Variants in TDRD12 observed in about 807,000 individuals in gnomAD.
TDRD12 encodes the protein tudor domain containing 12.
Under a neutral mutation model 133.5 loss-of-function variants are expected in TDRD12, and 158 were observed. That is an observed-to-expected ratio of 1.18 (90% CI 1.04 to 1.35). TDRD12 has a LOEUF of 1.35. TDRD12 is among the 40% of genes most tolerant of loss of function. TDRD12 has a pLI of 0.00. For missense variants in TDRD12, 1,443 were observed against 1,321.3 expected (o/e 1.09, Z -1.43); for synonymous variants, 460 against 477.9 (o/e 0.96, Z 0.49).
At position 32,719,996 on chromosome 19, in the gene TDRD12, G is replaced by A. The variant is rs567459981; in HGVS notation, c.-77G>A. The A allele has an allele frequency of 2.0e-3, 3,017 of 1,515,912 alleles. 60 individuals carry two copies. The African/African-American group carries it at 0.037, about 19-fold the overall frequency. 93.9% of individuals were successfully genotyped at this position (1,515,912 alleles called of 1,614,324 possible). A position where few individuals can be genotyped will look rare whatever the true frequency, so the allele number is the denominator to read the frequency against. ...CTCGCGGCGGGGGCCTGGCCGGGGC[G>A]GACGCAGCCAGCCTCACCCGCGACG... On this transcript the variant is annotated 5_prime_UTR_variant, in exon 1 of 28. Transcript: ENST00000444215.
intron 11 of TDRD12, among the ~76,000 whole-genome samples, chr19:32,784,673 G>T (rs1970857116): frequency 6.6e-6 from 1 of 152,084 alleles, no homozygotes; most frequent in South Asian, 2.1e-4. Context: ...ACCTGTTACT[G>T]GTCTATTCAG....
chr19:32,764,680 G>A (rs1324280857), intron 8 of TDRD12, among the ~76,000 whole-genome samples: 1 of 152,094 alleles, frequency 6.6e-6, no homozygotes, highest in African/African-American at 2.4e-5. Context: ...TAACTGTTCT[G>A]GCAATTATTG....
intron 11 of TDRD12, among the ~76,000 whole-genome samples, chr19:32,787,030 T>C (rs958400743): frequency 6.6e-6 from 1 of 152,216 alleles, no homozygotes; most frequent in African/African-American, 2.4e-5. Flanking sequence ...ATTTTCAGCC[T>C]TTTTGCTCTG....
chr19:32,818,397 C>T (rs993837755), intron 27 of TDRD12, among the ~76,000 whole-genome samples: 16 of 152,138 alleles, frequency 1.1e-4, no homozygotes, highest in African/African-American at 3.9e-4. Context: ...TCTTGCTCCA[C>T]AGAGGCAGGA....
At chr19:32,797,611 A>G in intron 14 of TDRD12, 124 bp from the exon 15 acceptor site, 1 of 535,232 alleles carries the variant, frequency 1.9e-6, no homozygotes, top group Non-Finnish European at 3.3e-6. Flanking sequence ...TCTGACCTGT[A>G]TGATGATTAT....
chr19:32,729,794 TTTTTTTTTTTTTG>T (rs1968988202), intron 1 of TDRD12, among the ~76,000 whole-genome samples: 3 of 125,800 alleles, frequency 2.4e-5, no homozygotes, highest in African/African-American at 9.8e-5. Context: ...TTTTTTTTTT[TTTTTTTTTTTTTG>T]TGAGATGGAG....
At chr19:32,729,051 G>A (rs1017186384) in intron 1 of TDRD12, among the ~76,000 whole-genome samples, 7 of 149,558 alleles carry the variant, frequency 4.7e-5, no homozygotes, top group African/African-American at 1.7e-4. Context: ...TACATATAGA[G>A]TTTCCATTTC....
chr19:32,726,618 A>G (rs957148158), intron 1 of TDRD12, among the ~76,000 whole-genome samples: 1 of 152,002 alleles, frequency 6.6e-6, no homozygotes, highest in African/African-American at 2.4e-5. Flanking sequence ...CAGTGCAGTG[A>G]TGTGAACGTG....
At chr19:32,738,518 A>C (rs1038764920) in intron 2 of TDRD12, among the ~76,000 whole-genome samples, 3 of 152,158 alleles carry the variant, frequency 2.0e-5, no homozygotes, top group Admixed American at 1.3e-4. Flanking sequence ...CACTGACCTT[A>C]AAAAACCTTT....
At chr19:32,737,441 G>A (rs1969258404) in intron 2 of TDRD12, among the ~76,000 whole-genome samples, 2 of 152,152 alleles carry the variant, frequency 1.3e-5, no homozygotes, top group African/African-American at 4.8e-5. Flanking sequence ...CTGAGCTCAG[G>A]TGATCCACTC....
At chr19:32,738,742 G>A in intron 2 of TDRD12, 114 bp from the exon 3 acceptor site, 5 of 1,129,790 alleles carry the variant, frequency 4.4e-6, no homozygotes, top group Non-Finnish European at 6.2e-6. Context: ...GAACCTGGGA[G>A]GTGGAGATTG....
intron 21 of TDRD12, among the ~76,000 whole-genome samples, chr19:32,803,794 C>T (rs1188385323): frequency 6.6e-6 from 1 of 152,120 alleles, no homozygotes; most frequent in Non-Finnish European, 1.5e-5. Context: ...TGTTAATATG[C>T]ATTTCCCTAA....
chr19:32,761,102 A>G (rs1479626570), intron 8 of TDRD12, among the ~76,000 whole-genome samples: 1 of 152,050 alleles, frequency 6.6e-6, no homozygotes, highest in Non-Finnish European at 1.5e-5. Context: ...CATTTAGAGA[A>G]GACGTTTCTT....
chr19:32,822,752 A>G (rs1000267793), downstream of TDRD12, among the ~76,000 whole-genome samples: 1 of 151,904 alleles, frequency 6.6e-6, no homozygotes, highest in Non-Finnish European at 1.5e-5. Flanking sequence ...ATCTCAAAAA[A>G]AAAAAGATAA....
downstream of TDRD12, among the ~76,000 whole-genome samples, chr19:32,823,572 G>T (rs773944623): frequency 6.6e-6 from 1 of 152,196 alleles, no homozygotes; most frequent in Non-Finnish European, 1.5e-5. Flanking sequence ...CCGGAGCCGA[G>T]TGGTACGTGG....
At chr19:32,749,841 A>G in exon 6 of TDRD12, 2 of 1,548,660 alleles carry the variant, frequency 1.3e-6, no homozygotes, top group Non-Finnish European at 1.7e-6. Flanking sequence ...TTTGAGGTTT[A>G]CCTTTATGTA....
chr19:32,813,572 T>G (rs1967078889), intron 24 of TDRD12, 112 bp from the exon 25 acceptor site: 1 of 627,794 alleles, frequency 1.6e-6, no homozygotes, highest in African/African-American at 1.8e-5. Flanking sequence ...CTCATAGCAT[T>G]ACTGTGAGGC....
intron 13 of TDRD12, among the ~76,000 whole-genome samples, chr19:32,794,118 TTTTTTG>T (rs1971152082): frequency 9.3e-6 from 1 of 108,018 alleles, no homozygotes; most frequent in African/African-American, 4.0e-5. Flanking sequence ...TTTTTTTTTT[TTTTTTG>T]AGATGGAGTC....
chr19:32,787,549 T>G (rs1970942814), intron 11 of TDRD12, among the ~76,000 whole-genome samples: 1 of 152,194 alleles, frequency 6.6e-6, no homozygotes, highest in Non-Finnish European at 1.5e-5. Flanking sequence ...GGAGAGGCAG[T>G]AGGCCTTGCT....
Sources: allele counts gnomAD v4.1 joint callset (sites outside exome capture counted in the v4.1 genomes callset), GRCh38; gene constraint gnomAD v4.1.1; transcripts MANE v1.5; gene names NCBI Gene and HGNC (gene_info 2026-07-23, HGNC 2026-07-21).